Variants in DPYD observed in about 807,000 individuals in gnomAD.
The protein encoded by DPYD is dihydropyrimidine dehydrogenase, also known as dihydropyrimidine dehydrogenase [NADP(+)].
In DPYD, 109 loss-of-function variants were observed where a neutral mutation model predicts 116.2. The observed-to-expected ratio is 0.94, with a 90% CI of 0.80 to 1.10. DPYD has a LOEUF of 1.10. Ranked by LOEUF, DPYD falls within the 50% of genes least tolerant of loss-of-function variation. The probability of loss-of-function intolerance (pLI) is 0.00; values close to 1 mark genes in which losing one functional copy is unlikely to be tolerated. For missense variants in DPYD, 1,302 were observed against 1,254.5 expected, an observed-to-expected ratio of 1.04 and a Z score of -0.57; for synonymous variants, 440 against 432.0, an observed-to-expected ratio of 1.02 and a Z score of -0.23.
At chr1:97,289,439 T>C (rs1665974993) in intron 18 of DPYD, among the ~76,000 whole-genome samples, 1 of 152,022 alleles carries the variant, frequency 6.6e-6, no homozygotes, top group African/African-American at 2.4e-5. Context: ...AAATCCTCAA[T>C]AAAATACTGG....
chr1:97,579,528 T>C (rs748246764), intron 10 of DPYD, among the ~76,000 whole-genome samples: 9 of 152,216 alleles, frequency 5.9e-5, no homozygotes, highest in Non-Finnish European at 1.0e-4. Context: ...TGGACCAAAT[T>C]GACCTGTGGT....
chr1:97,759,060 C>G (rs921336645), intron 3 of DPYD, among the ~76,000 whole-genome samples: 3 of 152,138 alleles, frequency 2.0e-5, no homozygotes, highest in Non-Finnish European at 4.4e-5. Context: ...TTCACTTATA[C>G]ATGGTTTGCT....
chr1:97,487,097 A>C (rs1678681694), intron 13 of DPYD, among the ~76,000 whole-genome samples: 1 of 152,206 alleles, frequency 6.6e-6, no homozygotes, highest in Admixed American at 6.5e-5. Context: ...ATTTTCTTAA[A>C]CATGGATATT....
intron 18 of DPYD, among the ~76,000 whole-genome samples, chr1:97,302,521 A>G (rs1226236908): frequency 6.6e-6 from 1 of 151,980 alleles, no homozygotes; most frequent in Non-Finnish European, 1.5e-5. Context: ...CTAAAATAGC[A>G]AAGCTGAGGA....
chr1:97,581,711 A>G (rs1027196960), intron 10 of DPYD, among the ~76,000 whole-genome samples: 2 of 146,152 alleles, frequency 1.4e-5, no homozygotes, highest in South Asian at 2.2e-4. Context: ...ACGCCACTGC[A>G]TTCTGGCCTT....
intron 16 of DPYD, chr1:97,308,459 A>G (rs568046338): frequency 1.3e-5 from 2 of 151,944 alleles, no homozygotes; most frequent in South Asian, 4.2e-4. Context: ...AATTTTAAAA[A>G]CAACTTCTAA....
intron 13 of DPYD, among the ~76,000 whole-genome samples, chr1:97,503,518 T>G (rs549164070): frequency 1.3e-5 from 2 of 152,068 alleles, no homozygotes; most frequent in African/African-American, 4.8e-5. Context: ...ACATGAAGAC[T>G]CTAGATGGCT....
chr1:97,462,167 A>C (rs1357796883), intron 13 of DPYD, among the ~76,000 whole-genome samples: 1 of 152,248 alleles, frequency 6.6e-6, no homozygotes, highest in Non-Finnish European at 1.5e-5. Context: ...TGTGTTATTC[A>C]TAATAGCACT....
At chr1:97,487,358 C>T (rs1242264500) in intron 13 of DPYD, among the ~76,000 whole-genome samples, 9 of 152,004 alleles carry the variant, frequency 5.9e-5, no homozygotes, top group Non-Finnish European at 4.4e-5. Context: ...AATGTCATTG[C>T]ACATTAGAGA....
At chr1:97,824,682 C>T (rs12134028) in intron 3 of DPYD, among the ~76,000 whole-genome samples, 6,109 of 152,146 alleles carry the variant, frequency 0.04, 160 homozygotes, top group Non-Finnish European at 0.057. Context: ...TTCCCCTGTC[C>T]TTTTCTTCTT....
At chr1:97,897,811 G>A (rs376191338) in intron 1 of DPYD, among the ~76,000 whole-genome samples, 11 of 151,740 alleles carry the variant, frequency 7.2e-5, no homozygotes, top group African/African-American at 2.2e-4. Flanking sequence ...CATCTGTGTC[G>A]GCTTTGGATT....
At chr1:97,442,173 G>A (rs1675833585) in intron 14 of DPYD, among the ~76,000 whole-genome samples, 1 of 151,898 alleles carries the variant, frequency 6.6e-6, no homozygotes, top group African/African-American at 2.4e-5. Flanking sequence ...TCTGCTTTCT[G>A]TACTTTATCT....
intron 20 of DPYD, among the ~76,000 whole-genome samples, chr1:97,176,597 A>C (rs1401636066): frequency 6.6e-6 from 1 of 152,188 alleles, no homozygotes; most frequent in Non-Finnish European, 1.5e-5. Flanking sequence ...TCTAAATTAT[A>C]AAGTGCTTAT....
intron 3 of DPYD, among the ~76,000 whole-genome samples, chr1:97,815,287 T>C (rs1286470703): frequency 1.3e-5 from 2 of 152,122 alleles, no homozygotes; most frequent in Admixed American, 6.5e-5. Context: ...TATCATCAAA[T>C]AGATGGTTAT....
chr1:97,695,078 T>C (rs1571204397), intron 6 of DPYD, among the ~76,000 whole-genome samples: 2 of 152,298 alleles, frequency 1.3e-5, no homozygotes, highest in East Asian at 3.9e-4. Flanking sequence ...AGGCGACATA[T>C]GCCTCCACTC....
intron 12 of DPYD, among the ~76,000 whole-genome samples, chr1:97,537,342 A>G (rs965203821): frequency 6.6e-6 from 1 of 152,220 alleles, no homozygotes; most frequent in Non-Finnish European, 1.5e-5. Flanking sequence ...TGCCCCCAAC[A>G]TAAAATAAAA....
chr1:97,671,319 C>T (rs978884618), intron 8 of DPYD, among the ~76,000 whole-genome samples: 7 of 152,132 alleles, frequency 4.6e-5, no homozygotes, highest in East Asian at 3.9e-4. Flanking sequence ...CATCACAAAA[C>T]GCTCATTAAA....
intron 3 of DPYD, among the ~76,000 whole-genome samples, chr1:97,761,041 C>T (rs563228370): frequency 5.2e-4 from 79 of 152,204 alleles, no homozygotes; most frequent in African/African-American, 1.9e-3. Flanking sequence ...AGCCACCCCT[C>T]GTGTGGTTTC....
chr1:97,458,901 C>A lies in DPYD; in HGVS notation c.1741-8678G>T, dbSNP rs554512692. On this transcript the variant is annotated intron_variant, in intron 13 of 22. Transcript: ENST00000370192. Reference sequence around the variant, plus strand: ...ACTTTACCTCAAATATTTATAAATTCCCATAAATACATTTTCAAGGAATGT... The same window carrying A: ...ACTTTACCTCAAATATTTATAAATTACCATAAATACATTTTCAAGGAATGT... Among the ~76,000 whole-genome samples, 3 of 152,078 alleles carry A rather than the reference C, an allele frequency of 2.0e-5. No homozygotes were observed. In the South Asian group the frequency reaches 6.2e-4, roughly 32 times the overall value.
Sources: allele counts gnomAD v4.1 joint callset (sites outside exome capture counted in the v4.1 genomes callset), GRCh38; gene constraint gnomAD v4.1.1; transcripts MANE v1.5; gene names NCBI Gene and HGNC (gene_info 2026-07-23, HGNC 2026-07-21).